The following GLYATL1 variants were observed in gnomAD, a reference collection of about 807,000 sequenced individuals.
GLYATL1 encodes the protein glycine N-acyltransferase-like protein 1.
In GLYATL1, 15 loss-of-function variants were observed where a neutral mutation model predicts 20.0. That is an observed-to-expected ratio of 0.75 (90% CI 0.50 to 1.15). The LOEUF is 1.15. Among genes scored for constraint, GLYATL1 ranks in the 50% most tolerant of loss-of-function variants. The pLI, the probability that GLYATL1 is intolerant of heterozygous loss-of-function variation, is 0.00. For missense variants in GLYATL1, 380 were observed against 368.5 expected (o/e 1.03, Z -0.26); for synonymous variants, 151 against 131.5 (o/e 1.15, Z -1.01).
upstream of GLYATL1, among the ~76,000 whole-genome samples, chr11:58,926,974 T>C (rs1373001958): frequency 6.6e-6 from 1 of 152,224 alleles, no homozygotes; most frequent in Non-Finnish European, 1.5e-5. Context: ...TCAAAGACTA[T>C]CTGTAATCAG....
upstream of GLYATL1, chr11:58,934,625 C>T (rs932668538): frequency 2.0e-5 from 3 of 152,004 alleles, no homozygotes; most frequent in Non-Finnish European, 4.4e-5. Flanking sequence ...TCCACAGAGG[C>T]AGTACTAGAT....
intron 1 of GLYATL1, chr11:58,943,334 G>A (rs1413564343): frequency 6.4e-7 from 1 of 1,550,732 alleles, no homozygotes; most frequent in East Asian, 2.4e-5. Flanking sequence ...CAAGCGCCCA[G>A]TTGTAACCAA....
chr11:58,947,153 T>G lies in GLYATL1; in HGVS notation c.66T>G (p.Pro22=), dbSNP rs1160219550. ...ALYKSLARSI[P]ESLKVYGSVY... Reference sequence around the variant, plus strand: ...ACAAATCCTTGGCCAGGAGCATCCCTGAGTCCCTGAAGGTCAGGGAACAGT... The same window carrying G: ...ACAAATCCTTGGCCAGGAGCATCCCGGAGTCCCTGAAGGTCAGGGAACAGT... The change falls in exon 3 of 7, where the codon CCT becomes CCG. Residue 22 remains proline, a synonymous_variant. Coordinates refer to ENST00000532726, the MANE Select transcript of GLYATL1 (RefSeq NM_001389712.2). 14 of 1,613,804 alleles carry G rather than the reference T, an allele frequency of 8.7e-6. No homozygotes were observed. Among genetic ancestry groups the G allele is most frequent in the Non-Finnish European group, 1.2e-5 (14 of 1,179,764 alleles).
intron 1 of GLYATL1, among the ~76,000 whole-genome samples, chr11:58,921,058 A>G (rs917994437): frequency 2.0e-5 from 3 of 152,266 alleles, no homozygotes; most frequent in East Asian, 1.9e-4. Flanking sequence ...CGCTTCTTTG[A>G]TTGTTTTTAA....
At chr11:58,941,110 T>C (rs1856108455) in intron 1 of GLYATL1, among the ~76,000 whole-genome samples, 1 of 151,720 alleles carries the variant, frequency 6.6e-6, no homozygotes, top group South Asian at 2.1e-4. Flanking sequence ...TACATATGTA[T>C]ACATGTGCCA....
At chr11:58,930,332 A>G (rs12270298) in intron 1 of GLYATL1, among the ~76,000 whole-genome samples, 15,393 of 152,268 alleles carry the variant, frequency 0.1, 907 homozygotes, top group South Asian at 0.13. Flanking sequence ...AGGAGTGCTC[A>G]CAATTACTGC....
Position 58,920,553 on chromosome 11 carries a change from G to A in GLYATL1, n.264+14892G>A, listed in dbSNP as rs190001146. Among the ~76,000 whole-genome samples the A allele has an allele frequency of 2.9e-3, 448 of 152,224 alleles. 3 individuals carry two copies. Among genetic ancestry groups the A allele is most frequent in the African/African-American group, 9.9e-3 (412 of 41,520 alleles). ...AATACTCAATGTCCGGGTCTCCGAG[G>A]GGCTGATCTGTCAAATCTCTCTGGC... On this transcript the variant is annotated intron_variant and non_coding_transcript_variant, in intron 1 of 2. Coordinates refer to the GLYATL1 transcript ENST00000534674.
intron 1 of GLYATL1, among the ~76,000 whole-genome samples, chr11:58,929,679 T>C (rs926515671): frequency 5.3e-5 from 8 of 152,242 alleles, no homozygotes; most frequent in Non-Finnish European, 1.2e-4. Context: ...TCTACTCTTT[T>C]TAGTTAGCTG....
chr11:58,947,799 A>G, intron 3 of GLYATL1, 59 bp from the exon 4 acceptor site: 5 of 1,160,702 alleles, frequency 4.3e-6, no homozygotes, highest in South Asian at 3.7e-5. Flanking sequence ...CCTCTTCACA[A>G]CCAGATCCTC....
rs575392321 is a variant in GLYATL1, at chr11:58,933,029, G to T, written c.-212+5200G>T. 2.2e-4 allele frequency among the ~76,000 whole-genome samples: 33 copies of T among 152,274 alleles called. No individual in the cohort carries two copies. The South Asian group carries it at 5.0e-3, about 23-fold the overall frequency. On this transcript the variant is annotated intron_variant, in intron 1 of 7. Transcript: ENST00000317391. ...AGTTTTTTAAAAACACAGTGTATAAGAGGTAAAGGAAGAACCTGAGAAGTA... is the reference window on the plus strand; with the variant it reads ...AGTTTTTTAAAAACACAGTGTATAATAGGTAAAGGAAGAACCTGAGAAGTA...
upstream of GLYATL1, among the ~76,000 whole-genome samples, chr11:58,938,980 G>A (rs996862447): frequency 1.3e-5 from 2 of 152,182 alleles, no homozygotes; most frequent in Admixed American, 1.3e-4. Context: ...AGGCAGACTT[G>A]AGGCCGACTG....
intron 1 of GLYATL1, among the ~76,000 whole-genome samples, chr11:58,922,141 T>C (rs543216005): frequency 6.6e-6 from 1 of 152,338 alleles, no homozygotes; most frequent in African/African-American, 2.4e-5. Flanking sequence ...TGGCCCTGTG[T>C]ATATGCCTGG....
chr11:58,936,843 C>A (rs1450041867), upstream of GLYATL1, among the ~76,000 whole-genome samples: 1 of 152,100 alleles, frequency 6.6e-6, no homozygotes, highest in African/African-American at 2.4e-5. Context: ...TAGCTAAAAC[C>A]AAATACCACT....
At position 58,955,028 on chromosome 11, in the gene GLYATL1, G is replaced by A. The variant is rs548335657; in HGVS notation, c.313+132G>A. The A allele has an allele frequency of 1.2e-5, 15 of 1,243,996 alleles. No homozygotes were observed. The African/African-American group carries it at 1.2e-4, about 10-fold the overall frequency. 77.1% of individuals were successfully genotyped at this position (1,243,996 alleles called of 1,614,324 possible). ...AACTCTGGGGACTGGGAGAGGTGGAGCAATCTGTGGTGTGACAAGGACTCC... is the reference window on the plus strand; with the variant it reads ...AACTCTGGGGACTGGGAGAGGTGGAACAATCTGTGGTGTGACAAGGACTCC... On this transcript the variant is annotated intron_variant, in intron 5 of 6. Transcript: ENST00000532726.
chr11:58,906,689 T>C (rs901659432), intron 1 of GLYATL1, among the ~76,000 whole-genome samples: 1 of 152,176 alleles, frequency 6.6e-6, no homozygotes, highest in Non-Finnish European at 1.5e-5. Context: ...CATGTTAGGG[T>C]AGCGCTGCTG....
At chr11:58,942,884 G>GA (rs1439028604) in intron 1 of GLYATL1, among the ~76,000 whole-genome samples, 4 of 152,026 alleles carry the variant, frequency 2.6e-5, no homozygotes, top group Non-Finnish European at 5.9e-5. Context: ...TAAAGTTAAA[G>GA]AAAAAACAAG....
chr11:58,931,141 C>T (rs913665152), intron 1 of GLYATL1, among the ~76,000 whole-genome samples: 2 of 152,146 alleles, frequency 1.3e-5, no homozygotes, highest in Non-Finnish European at 2.9e-5. Context: ...GAGTTGGAAC[C>T]TGTTGGTGCT....
chr11:58,950,983 C>T (rs1856950002), intron 4 of GLYATL1, among the ~76,000 whole-genome samples: 1 of 151,632 alleles, frequency 6.6e-6, no homozygotes, highest in African/African-American at 2.4e-5. Flanking sequence ...AATTTGTTGC[C>T]CAATTTATAA....
Position 58,939,636 on chromosome 11 carries a change from T to A in GLYATL1, c.-181T>A, listed in dbSNP as rs1331110479. 1 of 152,206 alleles carries A rather than the reference T, an allele frequency of 6.6e-6. No individual in the cohort carries two copies. The highest frequency in any genetic ancestry group is 1.5e-5 in the Non-Finnish European group (1 of 68,058). 9.4% of individuals were successfully genotyped at this position (152,206 alleles called of 1,614,324 possible). A position where few individuals can be genotyped will look rare whatever the true frequency, so the allele number is the denominator to read the frequency against. On this transcript the variant is annotated 5_prime_UTR_variant, in exon 1 of 7. Transcript: ENST00000532726. The stretch of plus-strand genomic sequence containing the variant: ...GAAGAACTGCCTTTGGAATTTCACA[T>A]CGGCATCCAGATAGGTGACTGTCCT...
Sources: gnomAD v4.1 joint callset for allele counts (sites outside exome capture counted in the v4.1 genomes callset) on GRCh38, gnomAD v4.1.1 for gene constraint, MANE v1.5 for transcripts, NCBI Gene and HGNC (gene_info 2026-07-23, HGNC 2026-07-21) for gene names.